Variants in ASTN2 observed in about 807,000 individuals in gnomAD.
The protein encoded by ASTN2 is astrotactin 2, also known as astrotactin-2.
A neutral mutation model predicts 139.8 loss-of-function variants in ASTN2; 54 were observed. The observed-to-expected ratio is 0.39, with a 90% CI of 0.31 to 0.48. ASTN2 has a LOEUF of 0.48. ASTN2 is among the 20% of genes least tolerant of loss of function. The pLI, the probability that ASTN2 is intolerant of heterozygous loss-of-function variation, is 0.95. For synonymous variants in ASTN2, 756 were observed against 719.5 expected, an observed-to-expected ratio of 1.05 and a Z score of -0.81; for missense variants, 1,565 against 1,725.1, an observed-to-expected ratio of 0.91 and a Z score of 1.64.
chr9:116,473,553 A>G (rs1344662059), intron 20 of ASTN2, among the ~76,000 whole-genome samples: 1 of 152,216 alleles, frequency 6.6e-6, no homozygotes, highest in East Asian at 1.9e-4. Flanking sequence ...GGGCAGGACA[A>G]TTAGCCAAGC....
At chr9:116,992,940 G>T (rs1836900203) in intron 7 of ASTN2, among the ~76,000 whole-genome samples, 1 of 152,154 alleles carries the variant, frequency 6.6e-6, no homozygotes, top group South Asian at 2.1e-4. Context: ...TTCCCACCCT[G>T]ATCCAAGCCA....
At chr9:117,341,507 G>A (rs560735259) in intron 1 of ASTN2, among the ~76,000 whole-genome samples, 2 of 152,208 alleles carry the variant, frequency 1.3e-5, no homozygotes, top group African/African-American at 2.4e-5. Context: ...AGTAGCAAAC[G>A]ATCAAGCAAA....
At chr9:117,015,646 A>G (rs1308392551) in intron 6 of ASTN2, among the ~76,000 whole-genome samples, 1 of 152,186 alleles carries the variant, frequency 6.6e-6, no homozygotes, top group East Asian at 1.9e-4. Flanking sequence ...TATAATACCC[A>G]TAAAGTGTGT....
chr9:117,309,126 T>C (rs891979379), intron 1 of ASTN2, among the ~76,000 whole-genome samples: 1 of 152,266 alleles, frequency 6.6e-6, no homozygotes, highest in Non-Finnish European at 1.5e-5. Context: ...TGTGTATATG[T>C]ACACACGTTT....
rs376575827 is a variant in ASTN2 at position 116,488,032 on chromosome 9, TAA to T, written c.3356-534_3356-533del. Reference sequence around the variant, plus strand: ...AGATGGACAGAGACCAGCTAAGGAGTAAAGAGTTCTGTGATTGATTAGTGATG... The same window carrying T: ...AGATGGACAGAGACCAGCTAAGGAGTAGAGTTCTGTGATTGATTAGTGATG... On this transcript the variant is annotated intron_variant, in intron 19 of 22. Coordinates refer to ENST00000313400, the MANE Select transcript of ASTN2 (RefSeq NM_001365068.1). 4.5e-3 allele frequency among the ~76,000 whole-genome samples: 690 copies of T among 152,004 alleles called. 6 individuals are homozygous for T. Among genetic ancestry groups the T allele is most frequent in the African/African-American group, 0.015 (621 of 41,446 alleles).
intron 19 of ASTN2, among the ~76,000 whole-genome samples, chr9:116,490,030 C>T (rs115531160): frequency 2.6e-5 from 4 of 151,920 alleles, no homozygotes; most frequent in Admixed American, 6.6e-5. Context: ...TAACAGCACT[C>T]TCATGCATTT....
intron 16 of ASTN2, among the ~76,000 whole-genome samples, chr9:116,658,733 CTTTTTT>C (rs71502074): frequency 3.0e-5 from 3 of 101,100 alleles, no homozygotes; most frequent in Admixed American, 2.0e-4. Flanking sequence ...GACCACCGCT[CTTTTTT>C]TTTTTTTTTT....
intron 2 of ASTN2, among the ~76,000 whole-genome samples, chr9:117,241,140 A>G (rs932969981): frequency 6.6e-6 from 1 of 152,178 alleles, no homozygotes; most frequent in Non-Finnish European, 1.5e-5. Flanking sequence ...ACAAATAAAC[A>G]AAACTCCACT....
intron 13 of ASTN2, among the ~76,000 whole-genome samples, chr9:116,755,807 G>C (rs1829517647): frequency 1.3e-5 from 2 of 152,216 alleles, no homozygotes; most frequent in South Asian, 4.1e-4. Context: ...CTGTAAGTGG[G>C]AAACAGAGGA....
chr9:116,903,387 G>A (rs1834070497), intron 10 of ASTN2, among the ~76,000 whole-genome samples: 1 of 152,114 alleles, frequency 6.6e-6, no homozygotes, highest in African/African-American at 2.4e-5. Flanking sequence ...CTAGTACATA[G>A]TGGATATTTG....
intron 16 of ASTN2, among the ~76,000 whole-genome samples, chr9:116,723,468 C>T (rs1227642141): frequency 6.6e-6 from 1 of 152,148 alleles, no homozygotes; most frequent in Non-Finnish European, 1.5e-5. Context: ...CACTTCAGCA[C>T]TGCACTATCT....
intron 2 of ASTN2, among the ~76,000 whole-genome samples, chr9:117,234,662 G>C (rs1344637464): frequency 6.6e-6 from 1 of 152,130 alleles, no homozygotes; most frequent in African/African-American, 2.4e-5. Context: ...ATGGAGGTTG[G>C]GGGTCTGAAA....
intron 19 of ASTN2, among the ~76,000 whole-genome samples, chr9:116,527,025 T>C (rs1047323132): frequency 6.6e-6 from 1 of 152,184 alleles, no homozygotes; most frequent in East Asian, 1.9e-4. Flanking sequence ...TCTCACATCA[T>C]GTACAAAAGT....
chr9:117,118,137 G>A (rs1342758473), intron 4 of ASTN2, among the ~76,000 whole-genome samples: 2 of 152,116 alleles, frequency 1.3e-5, no homozygotes, highest in African/African-American at 4.8e-5. Flanking sequence ...TTGTCATGCG[G>A]GTTTAAGTAA....
At chr9:116,770,373 T>C (rs1266698122) in intron 13 of ASTN2, among the ~76,000 whole-genome samples, 1 of 152,208 alleles carries the variant, frequency 6.6e-6, no homozygotes, top group Non-Finnish European at 1.5e-5. Flanking sequence ...ACAATGATTA[T>C]AGCAACAGCA....
intron 13 of ASTN2, among the ~76,000 whole-genome samples, chr9:116,744,724 G>A (rs916168134): frequency 2.0e-5 from 3 of 152,136 alleles, no homozygotes; most frequent in African/African-American, 7.2e-5. Context: ...CCCAGTATTT[G>A]CTTATTATTA....
In ASTN2 at chr9:116,805,763, A is replaced by C. The variant is rs772635371; in HGVS notation, c.2265T>G (p.Asp755Glu). ...PDGKSCLMLS[D>E]VCEGPKCLKP... ...TGAGGCACTTGGGGCCCTCGCAGAC[A>C]TCTGAGAGCATTAAGCAGGATTTTC... Residue 755 changes from aspartate to glutamate, a missense_variant, in exon 13 of 23, where the codon GAT (aspartate) becomes GAG (glutamate). Asp to Glu is a conservative substitution (Grantham distance 45). Around this residue, in one of 4 missense-constraint regions of ASTN2, gnomAD observed 503 missense variants for 591.7 expected, o/e 0.85. Transcript: ENST00000313400. 18 of 1,613,844 alleles carry C rather than the reference A, an allele frequency of 1.1e-5. No individual in the cohort carries two copies. The highest frequency in any genetic ancestry group is 1.7e-5 in the Admixed American group (1 of 60,004).
At chr9:116,563,978 GAGGTAGAGGACA>G (rs1365328266) in intron 19 of ASTN2, among the ~76,000 whole-genome samples, 9 of 152,220 alleles carry the variant, frequency 5.9e-5, no homozygotes, top group African/African-American at 1.9e-4. Context: ...ACAAAGAAGA[GAGGTAGAGGACA>G]AGCATTTATA....
At chr9:116,887,007 T>C (rs890311224) in intron 10 of ASTN2, among the ~76,000 whole-genome samples, 2 of 152,032 alleles carry the variant, frequency 1.3e-5, no homozygotes, top group Non-Finnish European at 2.9e-5. Flanking sequence ...CATAATCAAA[T>C]GGGAATACGA....
Sources: gnomAD v4.1 joint callset for allele counts (sites outside exome capture counted in the v4.1 genomes callset) on GRCh38, gnomAD v4.1.1 for gene constraint, gnomAD v4.1.1 regional missense constraint, MANE v1.5 for transcripts, NCBI Gene and HGNC (gene_info 2026-07-23, HGNC 2026-07-21) for gene names.